The following PACSIN2 variants were observed in gnomAD, a reference collection of about 807,000 sequenced individuals.
PACSIN2 encodes protein kinase C and casein kinase substrate in neurons protein 2.
In PACSIN2, 25 loss-of-function variants were observed where a neutral mutation model predicts 63.8. The ratio of observed to expected loss-of-function variants is 0.39; its 90% CI spans 0.29 to 0.55. The LOEUF (loss-of-function observed/expected upper bound fraction) is 0.55, where lower values mean the gene tolerates loss of function less well. PACSIN2 is among the 20% of genes least tolerant of loss of function. The pLI is 0.62. For synonymous variants in PACSIN2, 255 were observed against 256.2 expected (o/e 1.00, Z 0.05); for missense variants, 518 against 646.9 (o/e 0.80, Z 2.16).
At chr22:42,918,765 C>T (rs962743659) in intron 1 of PACSIN2, among the ~76,000 whole-genome samples, 1 of 152,210 alleles carries the variant, frequency 6.6e-6, no homozygotes, top group Non-Finnish European at 1.5e-5. Context: ...AGCCTCAGGG[C>T]TTCCACATTG....
In PACSIN2 at chr22:42,961,447, TAAAAA is replaced by T. The variant is rs10678680; in HGVS notation, c.-77-49295_-77-49291del. Among the ~76,000 whole-genome samples the T allele has an allele frequency of 1.8e-3, 217 of 121,198 alleles. 2 individuals are homozygous for T. Among genetic ancestry groups the T allele is most frequent in the East Asian group, 3.6e-3 (15 of 4,158 alleles). 79.5% of individuals were successfully genotyped at this position (121,198 alleles called of 152,430 possible). On this transcript the variant is annotated intron_variant, in intron 1 of 10. Coordinates refer to ENST00000263246, the MANE Select transcript of PACSIN2 (RefSeq NM_001184970.3). The stretch of plus-strand genomic sequence containing the variant: ...TGAGAAACACCCAAGAATGATCAAT[TAAAAA>T]AAAAAAAAAAAAAAAATCTTGTGTT...
intron 1 of PACSIN2, among the ~76,000 whole-genome samples, chr22:43,014,623 C>T (rs950849506): frequency 1.1e-4 from 16 of 151,946 alleles, no homozygotes; most frequent in African/African-American, 3.6e-4. Context: ...GCCCCAGCTC[C>T]CCCTTCTGCA....
At chr22:43,002,422 G>A (rs1923829728) in intron 1 of PACSIN2, 2 of 152,114 alleles carry the variant, frequency 1.3e-5, no homozygotes, top group Non-Finnish European at 2.9e-5. Context: ...CTAAAACAGC[G>A]TTCCTTGCTC....
chr22:42,922,543 T>C (rs1932263956), intron 1 of PACSIN2, among the ~76,000 whole-genome samples: 1 of 152,222 alleles, frequency 6.6e-6, no homozygotes, highest in Non-Finnish European at 1.5e-5. Flanking sequence ...CGAGCACACC[T>C]GGCTGGCTGG....
At chr22:42,917,785 CTTTTCT>C (rs145399409) in intron 1 of PACSIN2, among the ~76,000 whole-genome samples, 2,126 of 152,054 alleles carry the variant, frequency 0.014, 31 homozygotes, top group African/African-American at 0.037. Context: ...GATTGGTACT[CTTTTCT>C]TTTTCTTTTT....
At chr22:42,905,450 C>A (rs1318515133) in intron 2 of PACSIN2, among the ~76,000 whole-genome samples, 1 of 152,254 alleles carries the variant, frequency 6.6e-6, no homozygotes, top group Non-Finnish European at 1.5e-5. Context: ...TGGGTGTCAA[C>A]AGGCTCATTG....
At chr22:42,955,275 C>CTGAA (rs200886149) in intron 1 of PACSIN2, among the ~76,000 whole-genome samples, 1,847 of 152,154 alleles carry the variant, frequency 0.012, 20 homozygotes, top group African/African-American at 0.035. Flanking sequence ...AGAAGGTAAA[C>CTGAA]TGAATGAATG....
chr22:42,937,083 G>A (rs938824974), intron 1 of PACSIN2, among the ~76,000 whole-genome samples: 16 of 152,168 alleles, frequency 1.1e-4, no homozygotes, highest in African/African-American at 3.6e-4. Context: ...ATCTAACAGC[G>A]GAGAGAACAG....
chr22:42,919,004 C>A (rs1457025397), intron 1 of PACSIN2, among the ~76,000 whole-genome samples: 2 of 152,172 alleles, frequency 1.3e-5, no homozygotes, highest in Admixed American at 6.5e-5. Flanking sequence ...ATTCATTCTT[C>A]CAGGTTGAGC....
rs1928024554 is a variant in PACSIN2 at position 42,870,538 on chromosome 22, GAA to G, written c.*817_*818del. On this transcript the variant is annotated 3_prime_UTR_variant, in exon 11 of 11. Transcript: ENST00000263246. ...AGCATCTTTACAGATGCATTTGCTTGAAAAGTTAGTCTTCTTTTTAACTCTGA... is the reference window on the plus strand; with the variant it reads ...AGCATCTTTACAGATGCATTTGCTTGAAGTTAGTCTTCTTTTTAACTCTGA... 6.6e-6 allele frequency: 1 copy of G among 152,212 alleles called. No individual in the cohort carries two copies. The highest frequency in any genetic ancestry group is 2.4e-5 in the African/African-American group (1 of 41,460). 9.4% of individuals were successfully genotyped at this position (152,212 alleles called of 1,614,324 possible). A position where few individuals can be genotyped will look rare whatever the true frequency, so the allele number is the denominator to read the frequency against.
chr22:42,888,206 C>T (rs1193992958), intron 5 of PACSIN2, among the ~76,000 whole-genome samples: 1 of 152,228 alleles, frequency 6.6e-6, no homozygotes. Flanking sequence ...GCTGTCCAGG[C>T]CACTGGTGAT....
chr22:42,933,268 A>G (rs1296075396), intron 1 of PACSIN2, among the ~76,000 whole-genome samples: 1 of 152,188 alleles, frequency 6.6e-6, no homozygotes, highest in Non-Finnish European at 1.5e-5. Flanking sequence ...CTCTTTAAGA[A>G]ATATATATTT....
In PACSIN2 at chr22:42,876,961, T is replaced by A; in HGVS notation, c.1078A>T (p.Ser360Cys). The change falls in exon 9 of 11, where the codon AGC (serine) becomes TGC (cysteine). Residue 360 changes from serine to cysteine, a missense_variant. Coordinates refer to ENST00000263246, the MANE Select transcript of PACSIN2 (RefSeq NM_001184970.3). ...NPAQSAQSQS[S>C]YNPFEDEDDT... ...TCCTCATCCTCGAAGGGGTTGTAGC[T>A]GGACTGTGACTGCGCAGACTGGGCG... is the stretch of plus-strand genomic sequence containing the variant. 1 of 1,614,162 alleles carries A rather than the reference T, an allele frequency of 6.2e-7. No homozygotes were observed. The highest frequency in any genetic ancestry group is 8.5e-7 in the Non-Finnish European group (1 of 1,180,010).
chr22:42,893,559 T>C lies in PACSIN2; in HGVS notation c.115A>G (p.Ser39Gly), dbSNP rs1930068821. The C allele has an allele frequency of 3.1e-6, 5 of 1,614,176 alleles. No individual in the cohort carries two copies. The South Asian group carries it at 5.5e-5, about 18-fold the overall frequency. ...TCATGCAGGCAGTTCATGAGGTCGC[T>C]GCACAGGCGGTGGCCATCGTCGATC... ...KRIDDGHRLC[S>G]DLMNCLHERA... Residue 39 changes from serine to glycine, a missense_variant, in exon 3 of 11, where the codon AGC (serine) becomes GGC (glycine). This residue lies in a region of PACSIN2 where 507 missense variants were observed against 612.3 expected (regional missense o/e 0.83). Transcript: ENST00000263246.
chr22:42,878,509 A>C (rs940639464), intron 8 of PACSIN2, among the ~76,000 whole-genome samples: 6 of 152,202 alleles, frequency 3.9e-5, no homozygotes, highest in Admixed American at 3.9e-4. Flanking sequence ...TGCCACCCTT[A>C]TATCTCTCAT....
chr22:42,924,281 C>T (rs1438027845), intron 1 of PACSIN2, among the ~76,000 whole-genome samples: 1 of 152,154 alleles, frequency 6.6e-6, no homozygotes, highest in African/African-American at 2.4e-5. Context: ...CTGCAGTCTT[C>T]TTCCCTCTAA....
chr22:42,877,127 G>T lies in PACSIN2; in HGVS notation c.1029-117C>A. 1.1e-5 allele frequency: 12 copies of T among 1,115,070 alleles called. No homozygotes were observed. The South Asian group carries it at 1.5e-4, about 14-fold the overall frequency. 69.1% of individuals were successfully genotyped at this position (1,115,070 alleles called of 1,614,324 possible). ...ATCAGCTCCTCCTGTGACCGGAGGGGACCGTGGTGTTTCAACAGAAAGGTT... is the reference window on the plus strand; with the variant it reads ...ATCAGCTCCTCCTGTGACCGGAGGGTACCGTGGTGTTTCAACAGAAAGGTT... On this transcript the variant is annotated intron_variant, in intron 8 of 10. Coordinates refer to ENST00000263246, the MANE Select transcript of PACSIN2 (RefSeq NM_001184970.3).
chr22:42,984,904 A>G (rs1226683444), intron 1 of PACSIN2, among the ~76,000 whole-genome samples: 2 of 152,218 alleles, frequency 1.3e-5, no homozygotes, highest in Non-Finnish European at 2.9e-5. Flanking sequence ...TTGGAAAACA[A>G]AAGTAGGCCC....
chr22:42,973,293 C>T (rs1921458268), intron 1 of PACSIN2, among the ~76,000 whole-genome samples: 1 of 152,216 alleles, frequency 6.6e-6, no homozygotes. Context: ...CAGACTCTGT[C>T]ACAGGTCTCG....
Sources: gnomAD v4.1 joint callset for allele counts (sites outside exome capture counted in the v4.1 genomes callset) on GRCh38, gnomAD v4.1.1 for gene constraint, gnomAD v4.1.1 regional missense constraint, MANE v1.5 for transcripts, NCBI Gene and HGNC (gene_info 2026-07-23, HGNC 2026-07-21) for gene names.